SLC17A1: variants seen among roughly 807,000 people sequenced by gnomAD.
The protein encoded by SLC17A1 is solute carrier family 17 member 1.
Under a neutral mutation model 53.5 loss-of-function variants are expected in SLC17A1, and 51 were observed. The ratio of observed to expected loss-of-function variants is 0.95; its 90% CI spans 0.76 to 1.20. The LOEUF (loss-of-function observed/expected upper bound fraction) is 1.20. SLC17A1 is among the 50% of genes most tolerant of loss of function. The probability of loss-of-function intolerance (pLI) is 0.00; values close to 1 mark genes in which losing one functional copy is unlikely to be tolerated. For synonymous variants in SLC17A1, 179 were observed against 198.8 expected (o/e 0.90, Z 0.84); for missense variants, 538 against 568.2 (o/e 0.95, Z 0.54).
At chr6:25,756,344 C>T in the SLC17A1 span, among the ~76,000 whole-genome samples, 1 of 152,300 alleles carries the variant, frequency 6.6e-6, no homozygotes, top group South Asian at 2.1e-4. Context: ...TCTCAGTGTT[C>T]CCGTTTCAGC....
chr6:25,755,535 T>C, the SLC17A1 span, among the ~76,000 whole-genome samples: 2 of 148,474 alleles, frequency 1.3e-5, no homozygotes, highest in Non-Finnish European at 3.0e-5. Flanking sequence ...AGGGTGCATA[T>C]GAATCCAAAA....
chr6:25,797,121 G>T (rs1286031635), intron 12 of SLC17A1, among the ~76,000 whole-genome samples: 1 of 152,108 alleles, frequency 6.6e-6, no homozygotes, highest in African/African-American at 2.4e-5. Context: ...ATATGCTATT[G>T]CATGTATCTT....
At chr6:25,727,073 C>T in the SLC17A1 span, 83 of 1,614,094 alleles carry the variant, frequency 5.1e-5, no homozygotes, top group African/African-American at 1.1e-4. Flanking sequence ...CGGACACTGG[C>T]ATCTCTTCGA....
the SLC17A1 span, chr6:25,777,111 G>T: frequency 3.5e-6 from 3 of 865,106 alleles, no homozygotes; most frequent in East Asian, 7.9e-5. Flanking sequence ...ATAATTCCTG[G>T]AAGAGACTCA....
At position 25,783,004 on chromosome 6, in the gene SLC17A1, C is replaced by G. The variant is rs1164951863; in HGVS notation, c.*217G>C. Reference sequence around the variant, plus strand: ...GGAAGACTGAGATAAATCACCACCCCCATTTAAAATTCAGATATATTACAT... The same window carrying G: ...GGAAGACTGAGATAAATCACCACCCGCATTTAAAATTCAGATATATTACAT... On this transcript the variant is annotated 3_prime_UTR_variant, in exon 13 of 13. Coordinates refer to ENST00000244527, the MANE Select transcript of SLC17A1 (RefSeq NM_005074.5). 2.0e-5 allele frequency: 3 copies of G among 152,056 alleles called. No individual in the cohort carries two copies. The highest frequency in any genetic ancestry group is 4.4e-5 in the Non-Finnish European group (3 of 68,002). The allele number at this position is 152,056 out of a possible 1,614,324, so 9.4% of individuals were successfully genotyped here. A position where few individuals can be genotyped will look rare whatever the true frequency, so the allele number is the denominator to read the frequency against.
chr6:25,731,634 T>C, the SLC17A1 span: 1 of 489,214 alleles, frequency 2.0e-6, no homozygotes, highest in African/African-American at 2.0e-5. Context: ...AAGATAACCA[T>C]GTTATGCCTA....
chr6:25,773,304 T>C, the SLC17A1 span: 2 of 1,613,986 alleles, frequency 1.2e-6, no homozygotes, highest in Non-Finnish European at 1.7e-6. Flanking sequence ...TTGTCCTCTC[T>C]GGTTTCCTCT....
At chr6:25,741,159 A>G in the SLC17A1 span, among the ~76,000 whole-genome samples, 1 of 152,212 alleles carries the variant, frequency 6.6e-6, no homozygotes, top group Non-Finnish European at 1.5e-5. Context: ...AAAAGAGAAG[A>G]TTTGTAATGT....
At chr6:25,746,752 C>CA in the SLC17A1 span, among the ~76,000 whole-genome samples, 1 of 152,202 alleles carries the variant, frequency 6.6e-6, no homozygotes, top group Admixed American at 6.5e-5. Flanking sequence ...AGGTGGCACC[C>CA]TATTATTCCT....
chr6:25,813,829 T>C (rs9461217), intron 6 of SLC17A1, among the ~76,000 whole-genome samples: 18 of 152,198 alleles, frequency 1.2e-4, no homozygotes, highest in African/African-American at 2.7e-4. Context: ...AATGAGAACA[T>C]GCGGTATTTA....
intron 3 of SLC17A1, 22 bp downstream of exon 3, chr6:25,826,439 G>C: frequency 1.3e-6 from 2 of 1,574,188 alleles, no homozygotes; most frequent in Non-Finnish European, 1.7e-6. Flanking sequence ...ACATTTGACT[G>C]TGGGGAAAAT....
chr6:25,786,434 A>G (rs756942528), intron 12 of SLC17A1, among the ~76,000 whole-genome samples: 21 of 152,154 alleles, frequency 1.4e-4, no homozygotes, highest in Non-Finnish European at 2.2e-4. Flanking sequence ...TGAAGTGGAC[A>G]AGACCTCTCC....
chr6:25,820,105 T>C (rs1236242975), intron 3 of SLC17A1, among the ~76,000 whole-genome samples, 190 bp from the exon 4 acceptor site: 2 of 152,196 alleles, frequency 1.3e-5, no homozygotes, highest in Non-Finnish European at 2.9e-5. Context: ...ATTTTATCAT[T>C]GGAGTAATGT....
At chr6:25,768,276 C>T in the SLC17A1 span, 14 of 675,958 alleles carry the variant, frequency 2.1e-5, no homozygotes, top group Non-Finnish European at 2.4e-5. Flanking sequence ...CTTTCAGGAA[C>T]CAAGAAAATG....
the SLC17A1 span, among the ~76,000 whole-genome samples, chr6:25,724,245 G>A: frequency 1.6e-4 from 25 of 152,280 alleles, no homozygotes; most frequent in African/African-American, 5.5e-4. Context: ...CCAACATGGC[G>A]AAACCCTGTC....
the SLC17A1 span, chr6:25,770,329 G>C: frequency 6.2e-7 from 1 of 1,613,764 alleles, no homozygotes; most frequent in East Asian, 2.2e-5. Context: ...GGTATAAGTG[G>C]AATATAGGTT....
In SLC17A1 at chr6:25,800,898, G is replaced by A. The variant is rs768797088; in HGVS notation, c.1261C>T (p.Leu421Phe). 3 of 1,593,954 alleles carry A rather than the reference G, an allele frequency of 1.9e-6. No individual in the cohort carries two copies. Among genetic ancestry groups the A allele is most frequent in the Non-Finnish European group, 2.6e-6 (3 of 1,162,120 alleles). ...ATCTGTATGTTTCTTACCTGCTTAA[G>A]GATCAATCCAGTCAAAGTGGAAGCA... ...LIASTLTGLILKQDPESAWFK... is the reference protein window; with the variant it reads ...LIASTLTGLIFKQDPESAWFK... Residue 421 changes from leucine (L) to phenylalanine (F), a missense_variant, in exon 11 of 13, where the codon CTT becomes TTT. By Grantham distance (22) the Leu-to-Phe change is conservative. Coordinates refer to ENST00000244527, the MANE Select transcript of SLC17A1 (RefSeq NM_005074.5).
the SLC17A1 span, among the ~76,000 whole-genome samples, chr6:25,753,128 G>A: frequency 6.6e-6 from 1 of 152,158 alleles, no homozygotes; most frequent in Non-Finnish European, 1.5e-5. Flanking sequence ...AGGCTTCTTG[G>A]AAAATCTATT....
the SLC17A1 span, among the ~76,000 whole-genome samples, chr6:25,737,301 T>C: frequency 6.6e-6 from 1 of 152,132 alleles, no homozygotes; most frequent in Non-Finnish European, 1.5e-5. Flanking sequence ...ACTGGATCCA[T>C]GACTCTTGAC....
Sources: allele counts gnomAD v4.1 joint callset (sites outside exome capture counted in the v4.1 genomes callset), GRCh38; gene constraint gnomAD v4.1.1; transcripts MANE v1.5; gene names NCBI Gene and HGNC (gene_info 2026-07-23, HGNC 2026-07-21).